Variants in SDK2 observed in about 807,000 individuals in gnomAD.
The protein encoded by SDK2 is sidekick cell adhesion molecule 2, also known as protein sidekick-2.
Under a neutral mutation model 253.9 loss-of-function variants are expected in SDK2, and 105 were observed. That is an observed-to-expected ratio of 0.41 (90% confidence interval 0.35 to 0.49). SDK2 has a LOEUF of 0.49. Among genes scored for constraint, SDK2 ranks in the 20% least tolerant of loss-of-function variants. The pLI is 0.06. For synonymous variants in SDK2, 1,249 were observed against 1,234.9 expected (o/e 1.01, Z -0.24); for missense variants, 2,608 against 3,003.0 (o/e 0.87, Z 3.07).
Position 73,401,172 on chromosome 17 carries a change from G to A in SDK2, c.2819C>T (p.Thr940Ile). 1.3e-6 allele frequency: 2 copies of A among 1,556,852 alleles called. No homozygotes were observed. Among genetic ancestry groups the A allele is most frequent in the Non-Finnish European group, 1.7e-6 (2 of 1,149,972 alleles). ...GTTGGGCAGGTAGTGGGTCACACGGGTGTTGGTTCGATTGTACTCCTCCCA... is the reference window on the plus strand; with the variant it reads ...GTTGGGCAGGTAGTGGGTCACACGGATGTTGGTTCGATTGTACTCCTCCCA... ...ISWEEYNRTN[T>I]RVTHYLPNVT... The change falls in exon 21 of 45, where the codon ACC becomes ATC. Residue 940 changes from threonine (T) to isoleucine (I), a missense_variant. Thr to Ile is a moderately conservative substitution (Grantham distance 89). Transcript: ENST00000392650.
chr17:73,533,316 C>T (rs979248796), intron 1 of SDK2, among the ~76,000 whole-genome samples: 2 of 152,232 alleles, frequency 1.3e-5, no homozygotes, highest in Admixed American at 6.5e-5. Context: ...CCGACTGGCA[C>T]GGTGGCTTGG....
chr17:73,537,211 G>A (rs1368664815), intron 1 of SDK2, among the ~76,000 whole-genome samples: 1 of 152,186 alleles, frequency 6.6e-6, no homozygotes, highest in East Asian at 1.9e-4. Context: ...TGGATTGTGA[G>A]CCCTGAGAAA....
At chr17:73,626,041 C>G (rs990576399) in intron 1 of SDK2, among the ~76,000 whole-genome samples, 1 of 151,606 alleles carries the variant, frequency 6.6e-6, no homozygotes, top group Non-Finnish European at 1.5e-5. Flanking sequence ...CCGAGCTGCT[C>G]CTGGAGGCCA....
At chr17:73,378,776 TG>T (rs1402247332) in intron 36 of SDK2, among the ~76,000 whole-genome samples, 1 of 152,164 alleles carries the variant, frequency 6.6e-6, no homozygotes, top group East Asian at 1.9e-4. Context: ...CTTTGCTAAC[TG>T]GCTATCTGAT....
chr17:73,414,564 CCTG>C, intron 18 of SDK2, 77 bp downstream of exon 18: 1 of 1,072,350 alleles, frequency 9.3e-7, no homozygotes, highest in East Asian at 2.4e-5. Context: ...GGGATTTCCT[CCTG>C]CCCACTCTGT....
rs1027182104 is a variant in SDK2 at position 73,465,219 on chromosome 17, T to C, written c.331+6893A>G. ...CAGCGGGCTTGTTCCCCTCCAATTG[T>C]CTTTTGTAGGAGTGGCTGCTAAGCT... On this transcript the variant is annotated intron_variant, in intron 3 of 44. Transcript: ENST00000392650. This position sits in a 1 kb window ranked among gnomAD's most constrained non-coding sequence, Gnocchi z 4.2. 1.7e-4 allele frequency among the ~76,000 whole-genome samples: 25 copies of C among 151,286 alleles called. No homozygotes were observed. Among genetic ancestry groups the C allele is most frequent in the African/African-American group, 3.2e-4 (13 of 41,112 alleles).
intron 3 of SDK2, among the ~76,000 whole-genome samples, chr17:73,462,891 T>G (rs1482790494): frequency 6.6e-6 from 1 of 152,092 alleles, no homozygotes; most frequent in African/African-American, 2.4e-5. Flanking sequence ...GCCCAGGGAG[T>G]TCCTTGTTGA....
chr17:73,389,224 C>G (rs1198187660), intron 29 of SDK2, among the ~76,000 whole-genome samples: 2 of 144,750 alleles, frequency 1.4e-5, no homozygotes, highest in Non-Finnish European at 3.0e-5. Context: ...TGCTCTGTAG[C>G]CCAGGCTGGA....
chr17:73,409,851 CTG>C (rs1284236378), intron 18 of SDK2, among the ~76,000 whole-genome samples: 21 of 4,804 alleles, frequency 4.4e-3, no homozygotes, highest in Admixed American at 0.018. Context: ...CTGTCTGTCT[CTG>C]TCTCTCTCTT....
intron 6 of SDK2, among the ~76,000 whole-genome samples, chr17:73,439,747 C>T (rs1238891880): frequency 1.3e-5 from 2 of 152,196 alleles, no homozygotes; most frequent in Non-Finnish European, 2.9e-5. Flanking sequence ...GTGCTCAGAT[C>T]ATTCCCATTT....
Position 73,395,232 on chromosome 17 carries a change from C to T in SDK2, c.3515G>A (p.Arg1172His), listed in dbSNP as rs145582973. The change falls in exon 25 of 45, where the codon CGC (arginine) becomes CAC (histidine). Residue 1172 changes from arginine to histidine, a missense_variant. Coordinates refer to ENST00000392650, the MANE Select transcript of SDK2 (RefSeq NM_001144952.2). The surrounding 1 kb of genome is among the most constrained non-coding windows in gnomAD (Gnocchi z 4.3). Reference protein sequence around the residue: ...IEDLEEWTEYRVQVQAFNAIG... With the variant: ...IEDLEEWTEYHVQVQAFNAIG... ...GGCGTTGAAGGCCTGGACCTGGACG[C>T]GGTACTCTGTCCACTCCTCCAGGTC... 78 of 1,613,282 alleles carry T rather than the reference C, an allele frequency of 4.8e-5. No homozygotes were observed. The African/African-American group carries it at 7.9e-4, about 16-fold the overall frequency.
At chr17:73,449,207 C>T (rs913101060) in intron 4 of SDK2, among the ~76,000 whole-genome samples, 1 of 152,198 alleles carries the variant, frequency 6.6e-6, no homozygotes, top group Admixed American at 6.5e-5. Context: ...AAGCGCCACC[C>T]ACACCGGCTC....
rs867655012 is a variant in SDK2 at position 73,511,778 on chromosome 17, G to A, written c.65-4181C>T. 3.3e-5 allele frequency among the ~76,000 whole-genome samples: 5 copies of A among 152,142 alleles called. No homozygotes were observed. The highest frequency in any genetic ancestry group is 1.3e-4 in the Admixed American group (2 of 15,280). On this transcript the variant is annotated intron_variant, in intron 1 of 44. Coordinates refer to ENST00000392650, the MANE Select transcript of SDK2 (RefSeq NM_001144952.2). This position sits in a 1 kb window ranked among gnomAD's most constrained non-coding sequence, Gnocchi z 4.9. ...CTGATTTTCCTCCAGGACCTGCCTC[G>A]TCTGAAAGCAAGAGATGGCAGGGGG... is the stretch of plus-strand genomic sequence containing the variant.
rs544950327 is a variant in SDK2 at position 73,378,191 on chromosome 17, CT to C, written c.4980+985del. 2.2e-4 allele frequency among the ~76,000 whole-genome samples: 33 copies of C among 152,200 alleles called. 1 individual carries two copies. In the East Asian group the frequency reaches 5.6e-3, roughly 26 times the overall value. On this transcript the variant is annotated intron_variant, in intron 36 of 44. Transcript: ENST00000392650. ...ATGGCCTACTGCAAACTCTGCCCCC[CT>C]GGCTCAAGCAATCCTCCCACCTCAG...
intron 18 of SDK2, among the ~76,000 whole-genome samples, chr17:73,408,176 C>T (rs574206540): frequency 2.6e-5 from 4 of 151,276 alleles, no homozygotes; most frequent in South Asian, 2.1e-4. Flanking sequence ...CTCAGCCTCC[C>T]GAGTAGCTGA....
At chr17:73,358,017 G>A (rs750226379) in intron 40 of SDK2, 62 bp downstream of exon 40, 2 of 1,607,944 alleles carry the variant, frequency 1.2e-6, no homozygotes, top group South Asian at 1.1e-5. Flanking sequence ...CCCAAGTGGA[G>A]GGACCCAGGA....
intron 1 of SDK2, among the ~76,000 whole-genome samples, chr17:73,525,034 G>T (rs1424090323): frequency 6.6e-6 from 1 of 152,262 alleles, no homozygotes. Flanking sequence ...TCCTAGGCCT[G>T]TGTGGCCCTG....
intron 1 of SDK2, among the ~76,000 whole-genome samples, chr17:73,625,934 C>T (rs1307848526): frequency 6.6e-6 from 1 of 152,286 alleles, no homozygotes; most frequent in South Asian, 2.1e-4. Context: ...CGTGAATCAC[C>T]GAGTCCTGCA....
At chr17:73,355,007 T>C (rs900771099) in intron 40 of SDK2, among the ~76,000 whole-genome samples, 89 of 151,130 alleles carry the variant, frequency 5.9e-4, no homozygotes, top group African/African-American at 2.1e-3. Context: ...GAGGGGGCTG[T>C]CTCCCCACTT....
Sources: gnomAD v4.1 joint callset for allele counts (sites outside exome capture counted in the v4.1 genomes callset) on GRCh38, gnomAD v4.1.1 for gene constraint, Gnocchi (gnomAD v3.1) non-coding constraint, MANE v1.5 for transcripts, NCBI Gene and HGNC (gene_info 2026-07-23, HGNC 2026-07-21) for gene names.